PTPRD: variants seen among roughly 807,000 people sequenced by gnomAD.
PTPRD encodes protein tyrosine phosphatase receptor type D, also known as receptor-type tyrosine-protein phosphatase delta.
PTPRD carries 34 observed loss-of-function variants against 214.5 expected under a neutral mutation model. The observed-to-expected ratio is 0.16, with a 90% CI of 0.12 to 0.21. The LOEUF (loss-of-function observed/expected upper bound fraction) is 0.21, where lower values mean the gene tolerates loss of function less well. Among genes scored for constraint, PTPRD ranks in the 10% least tolerant of loss-of-function variants. The pLI is 1.00. For synonymous variants in PTPRD, 1,128 were observed against 845.7 expected, an observed-to-expected ratio of 1.33 and a Z score of -5.79; for missense variants, 2,545 against 2,398.7, an observed-to-expected ratio of 1.06 and a Z score of -1.27.
chr9:9,481,714 G>T (rs1055986913), intron 8 of PTPRD, among the ~76,000 whole-genome samples: 1 of 151,898 alleles, frequency 6.6e-6, no homozygotes, highest in South Asian at 2.1e-4. Flanking sequence ...ATGTCATATT[G>T]CAGTGCTGGC....
chr9:9,889,935 G>T (rs28406491), intron 5 of PTPRD, among the ~76,000 whole-genome samples: 2 of 151,922 alleles, frequency 1.3e-5, no homozygotes, highest in African/African-American at 2.4e-5. Flanking sequence ...CCTGAAGAAC[G>T]GCAGAGGGTG....
chr9:10,011,128 G>A (rs1220348700), intron 4 of PTPRD, among the ~76,000 whole-genome samples: 1 of 151,880 alleles, frequency 6.6e-6, no homozygotes, highest in African/African-American at 2.4e-5. Flanking sequence ...ACCTGTAGAA[G>A]GCAATTATTT....
At chr9:10,335,571 C>A (rs1322728686) in intron 3 of PTPRD, among the ~76,000 whole-genome samples, 1 of 151,326 alleles carries the variant, frequency 6.6e-6, no homozygotes, top group Non-Finnish European at 1.5e-5. Context: ...AAGGCATGAT[C>A]CATGAAATAA....
chr9:9,530,530 T>C (rs1343514581), intron 8 of PTPRD, among the ~76,000 whole-genome samples: 1 of 152,102 alleles, frequency 6.6e-6, no homozygotes, highest in African/African-American at 2.4e-5. Context: ...CAGGACCACA[T>C]TGCTTCACTG....
intron 9 of PTPRD, among the ~76,000 whole-genome samples, chr9:9,283,084 A>G (rs910247283): frequency 6.6e-6 from 1 of 151,400 alleles, no homozygotes; most frequent in Non-Finnish European, 1.5e-5. Context: ...AAAAAAACTC[A>G]TGTCATGGAA....
At chr9:8,787,721 G>T (rs1006331026) in intron 11 of PTPRD, among the ~76,000 whole-genome samples, 1 of 152,022 alleles carries the variant, frequency 6.6e-6, no homozygotes, top group African/African-American at 2.4e-5. Context: ...AGGAAGACAG[G>T]AGAGAGGTCC....
At chr9:10,311,339 C>T (rs1173116408) in intron 3 of PTPRD, among the ~76,000 whole-genome samples, 1 of 151,860 alleles carries the variant, frequency 6.6e-6, no homozygotes, top group Non-Finnish European at 1.5e-5. Flanking sequence ...TTATATGTAC[C>T]AGAATGACTA....
chr9:8,745,441 A>T (rs2092682479), intron 11 of PTPRD, among the ~76,000 whole-genome samples: 1 of 152,216 alleles, frequency 6.6e-6, no homozygotes. Context: ...GGGGAAGGCA[A>T]CCTTAAAGGC....
At chr9:8,823,687 G>C (rs940243100) in intron 11 of PTPRD, among the ~76,000 whole-genome samples, 2 of 151,666 alleles carry the variant, frequency 1.3e-5, no homozygotes, top group African/African-American at 4.8e-5. Context: ...GAAAGGGAAA[G>C]GAAAGGGAAA....
intron 8 of PTPRD, among the ~76,000 whole-genome samples, chr9:9,518,211 A>C (rs112467209): frequency 3.3e-5 from 5 of 152,180 alleles, no homozygotes; most frequent in African/African-American, 7.2e-5. Context: ...ATGTTGAATC[A>C]TAAAGTATAA....
intron 11 of PTPRD, among the ~76,000 whole-genome samples, chr9:8,780,002 C>A (rs1053129699): frequency 1.3e-5 from 2 of 152,056 alleles, no homozygotes; most frequent in African/African-American, 4.8e-5. Flanking sequence ...AATGTAACAT[C>A]AAAATCCTAG....
chr9:10,125,986 AT>A (rs1270460890), intron 3 of PTPRD, among the ~76,000 whole-genome samples: 1 of 152,182 alleles, frequency 6.6e-6, no homozygotes, highest in Non-Finnish European at 1.5e-5. Flanking sequence ...GGTAAAATAG[AT>A]TATTAATTTT....
chr9:9,726,377 C>G (rs1483747952), intron 7 of PTPRD, among the ~76,000 whole-genome samples: 1 of 152,132 alleles, frequency 6.6e-6, no homozygotes, highest in Non-Finnish European at 1.5e-5. Flanking sequence ...GATTCCCATT[C>G]AGAGGTAGGT....
At chr9:9,275,449 GACCC>G (rs1945232154) in intron 9 of PTPRD, among the ~76,000 whole-genome samples, 1 of 150,230 alleles carries the variant, frequency 6.7e-6, no homozygotes, top group Non-Finnish European at 1.5e-5. Context: ...AATATCTCTG[GACCC>G]ACCCGAAGAG....
chr9:10,421,155 G>T (rs2098541870), intron 2 of PTPRD, among the ~76,000 whole-genome samples: 2 of 151,536 alleles, frequency 1.3e-5, no homozygotes, highest in African/African-American at 4.8e-5. Flanking sequence ...CCATCCACGG[G>T]ATGCAGGTTG....
At chr9:9,250,525 AG>A (rs1469367271) in intron 9 of PTPRD, among the ~76,000 whole-genome samples, 2 of 152,092 alleles carry the variant, frequency 1.3e-5, no homozygotes, top group African/African-American at 4.8e-5. Flanking sequence ...CAATGACAAA[AG>A]GTTAACATAT....
At chr9:10,083,159 C>T (rs1431244687) in intron 3 of PTPRD, among the ~76,000 whole-genome samples, 4 of 151,942 alleles carry the variant, frequency 2.6e-5, no homozygotes, top group Non-Finnish European at 5.9e-5. Flanking sequence ...ATTTCCCTGA[C>T]CCTCTTAGTC....
At chr9:9,837,085 G>A (rs372987240) in intron 5 of PTPRD, among the ~76,000 whole-genome samples, 21 of 152,214 alleles carry the variant, frequency 1.4e-4, no homozygotes, top group African/African-American at 4.8e-4. Context: ...TTTTCCCTAT[G>A]TTATGTGTAT....
intron 3 of PTPRD, among the ~76,000 whole-genome samples, chr9:10,288,228 T>C (rs768692435): frequency 1.3e-5 from 2 of 151,800 alleles, no homozygotes; most frequent in African/African-American, 2.4e-5. Flanking sequence ...GGAAAAACTT[T>C]AAAAAATTAA....
Sources: allele counts gnomAD v4.1 joint callset (sites outside exome capture counted in the v4.1 genomes callset), GRCh38; gene constraint gnomAD v4.1.1; transcripts MANE v1.5; gene names NCBI Gene and HGNC (gene_info 2026-07-23, HGNC 2026-07-21).